The following TMEM132B variants were observed in gnomAD, a reference collection of about 807,000 sequenced individuals.
TMEM132B encodes transmembrane protein 132B.
In TMEM132B, 18 loss-of-function variants were observed where a neutral mutation model predicts 90.8. That is an observed-to-expected ratio of 0.20 (90% CI 0.14 to 0.29). The LOEUF (loss-of-function observed/expected upper bound fraction) is 0.29. TMEM132B is among the 10% of genes least tolerant of loss of function. The pLI is 1.00. For missense variants in TMEM132B, 1,096 were observed against 1,326.8 expected (o/e 0.83, Z 2.70); for synonymous variants, 504 against 523.3 (o/e 0.96, Z 0.50).
At chr12:125,306,130 T>A (rs767234249) in intron 1 of TMEM132B, among the ~76,000 whole-genome samples, 6 of 152,168 alleles carry the variant, frequency 3.9e-5, no homozygotes, top group African/African-American at 7.2e-5. Context: ...TCCAAGGAGG[T>A]GGACACTGCC....
intron 1 of TMEM132B, among the ~76,000 whole-genome samples, chr12:125,332,958 C>T (rs543806150): frequency 6.6e-6 from 1 of 152,288 alleles, no homozygotes; most frequent in Admixed American, 6.5e-5. Flanking sequence ...TTATAATGTG[C>T]GTTAGTTTCC....
chr12:125,218,604 G>C (rs1389770988), intron 1 of TMEM132B, among the ~76,000 whole-genome samples: 1 of 152,102 alleles, frequency 6.6e-6, no homozygotes, highest in African/African-American at 2.4e-5. Context: ...TGTGGATCAA[G>C]ATTATGAGTA....
At chr12:125,521,661 G>A (rs569151815) in intron 4 of TMEM132B, among the ~76,000 whole-genome samples, 12 of 152,320 alleles carry the variant, frequency 7.9e-5, no homozygotes, top group Middle Eastern at 3.4e-3. Context: ...GGACCTGGGG[G>A]TCACTGCTGC....
At chr12:125,477,486 T>C (rs1036387506) in intron 3 of TMEM132B, among the ~76,000 whole-genome samples, 1 of 151,932 alleles carries the variant, frequency 6.6e-6, no homozygotes, top group East Asian at 2.0e-4. Flanking sequence ...GATTTTGCTT[T>C]CTCAAAGAAA....
intron 4 of TMEM132B, among the ~76,000 whole-genome samples, chr12:125,567,385 C>T (rs935134458): frequency 6.6e-6 from 1 of 152,080 alleles, no homozygotes. Flanking sequence ...CCCTCTTTCC[C>T]TTTTCCTGTC....
At chr12:125,405,689 T>G (rs141691193) in intron 2 of TMEM132B, among the ~76,000 whole-genome samples, 4 of 152,306 alleles carry the variant, frequency 2.6e-5, no homozygotes, top group African/African-American at 9.6e-5. Context: ...ATTTTGTGCC[T>G]GTTCCTTAAT....
In TMEM132B at chr12:125,490,155, G is replaced by A. The variant is rs1333901590; in HGVS notation, c.1107-29284G>A. Among the ~76,000 whole-genome samples the A allele has an allele frequency of 6.6e-6, 1 of 152,116 alleles. No homozygotes were observed. The highest frequency in any genetic ancestry group is 1.5e-5 in the Non-Finnish European group (1 of 68,016). ...TCTTAGTAGTAACTAAAATACTAAC[G>A]ACATTAAGTTGAATTCTTACTGTGT... On this transcript the variant is annotated intron_variant, in intron 3 of 8. Coordinates refer to ENST00000682704, the MANE Select transcript of TMEM132B (RefSeq NM_001366854.1). This position sits in a 1 kb window ranked among gnomAD's most constrained non-coding sequence, Gnocchi z 4.2.
At chr12:125,308,559 C>T (rs1394712335) in intron 1 of TMEM132B, among the ~76,000 whole-genome samples, 1 of 152,126 alleles carries the variant, frequency 6.6e-6, no homozygotes, top group East Asian at 1.9e-4. Context: ...AATTATTGCA[C>T]ATTGTGCTTT....
intron 2 of TMEM132B, among the ~76,000 whole-genome samples, chr12:125,411,044 TG>T (rs1195641083): frequency 0.016 from 15 of 926 alleles, no homozygotes; most frequent in East Asian, 0.096. Flanking sequence ...GTGAGTGGAG[TG>T]GAGTGGAGTG....
chr12:125,401,921 T>C (rs1485492377), intron 2 of TMEM132B, among the ~76,000 whole-genome samples: 1 of 152,204 alleles, frequency 6.6e-6, no homozygotes, highest in African/African-American at 2.4e-5. Context: ...CAATTCCCGA[T>C]CTGTGCACTT....
chr12:125,232,079 G>A (rs764679405), intron 1 of TMEM132B, among the ~76,000 whole-genome samples: 42 of 152,016 alleles, frequency 2.8e-4, no homozygotes, highest in Non-Finnish European at 3.5e-4. Flanking sequence ...ACACACTTAC[G>A]CATATATAGA....
intron 1 of TMEM132B, among the ~76,000 whole-genome samples, chr12:125,242,558 C>A (rs1247459991): frequency 6.6e-6 from 1 of 152,210 alleles, no homozygotes; most frequent in Admixed American, 6.5e-5. Flanking sequence ...GGTGGAGATG[C>A]AAAGCCTGAG....
At chr12:125,365,614 C>T (rs1270214807) in intron 2 of TMEM132B, among the ~76,000 whole-genome samples, 1 of 151,924 alleles carries the variant, frequency 6.6e-6, no homozygotes, top group Non-Finnish European at 1.5e-5. Flanking sequence ...TTCCTTTAGT[C>T]TCTTTTATCT....
In TMEM132B at chr12:125,511,653, G is replaced by C. The variant is rs566040192; in HGVS notation, c.1107-7786G>C. ...GGATCACGAGGTTAGGAGATCGAGAGCATCCTGGCTAACATGGTGAAACCC... is the reference window on the plus strand; with the variant it reads ...GGATCACGAGGTTAGGAGATCGAGACCATCCTGGCTAACATGGTGAAACCC... On this transcript the variant is annotated intron_variant, in intron 3 of 8. Coordinates refer to ENST00000682704, the MANE Select transcript of TMEM132B (RefSeq NM_001366854.1). Among the ~76,000 whole-genome samples, 18 of 151,406 alleles carry C rather than the reference G, an allele frequency of 1.2e-4. No individual in the cohort carries two copies. The South Asian group carries it at 2.9e-3, about 25-fold the overall frequency.
At chr12:125,438,584 C>T (rs996458758) in intron 3 of TMEM132B, among the ~76,000 whole-genome samples, 4 of 152,230 alleles carry the variant, frequency 2.6e-5, no homozygotes, top group Non-Finnish European at 4.4e-5. Flanking sequence ...ACAGCTGTGT[C>T]ACAGTTTAAT....
rs2136098736 is a variant in TMEM132B, at chr12:125,246,930, G to A, written c.67+60064G>A. Among the ~76,000 whole-genome samples the A allele has an allele frequency of 6.6e-6, 1 of 151,868 alleles. No homozygotes were observed. The highest frequency in any genetic ancestry group is 2.1e-4 in the South Asian group (1 of 4,776). ...GGGGTTTGTGGGGGAGGTGGTGGGG[G>A]TAGGGGCACAGTCAGGATTTTCCAC... is the stretch of plus-strand genomic sequence containing the variant. On this transcript the variant is annotated intron_variant, in intron 1 of 8. Coordinates refer to ENST00000682704, the MANE Select transcript of TMEM132B (RefSeq NM_001366854.1). The surrounding 1 kb of genome is among the most constrained non-coding windows in gnomAD (Gnocchi z 4.2).
At chr12:125,555,111 C>A (rs1240107436) in intron 4 of TMEM132B, among the ~76,000 whole-genome samples, 1 of 152,126 alleles carries the variant, frequency 6.6e-6, no homozygotes, top group Non-Finnish European at 1.5e-5. Flanking sequence ...GGCTGAAGGG[C>A]TAGCAATGAG....
intron 3 of TMEM132B, among the ~76,000 whole-genome samples, chr12:125,436,065 G>T (rs2136416812): frequency 6.6e-6 from 1 of 152,298 alleles, no homozygotes; most frequent in Non-Finnish European, 1.5e-5. Context: ...CAAAGCATCT[G>T]GTGGGCGTTG....
chr12:125,416,966 A>G (rs1427221467), intron 3 of TMEM132B, among the ~76,000 whole-genome samples: 1 of 152,182 alleles, frequency 6.6e-6, no homozygotes, highest in Non-Finnish European at 1.5e-5. Flanking sequence ...AAGTAATAGA[A>G]TATTTACCTC....
Sources: gnomAD v4.1 joint callset for allele counts (sites outside exome capture counted in the v4.1 genomes callset) on GRCh38, gnomAD v4.1.1 for gene constraint, Gnocchi (gnomAD v3.1) non-coding constraint, MANE v1.5 for transcripts, NCBI Gene and HGNC (gene_info 2026-07-23, HGNC 2026-07-21) for gene names.